TRPC3: variants seen among roughly 807,000 people sequenced by gnomAD.
TRPC3 encodes the protein short transient receptor potential channel 3.
TRPC3 carries 54 observed loss-of-function variants against 90.9 expected under a neutral mutation model. The ratio of observed to expected loss-of-function variants is 0.59; its 90% CI spans 0.48 to 0.75. The LOEUF is 0.75. TRPC3 is among the 30% of genes least tolerant of loss of function. The pLI, the probability that TRPC3 is intolerant of heterozygous loss-of-function variation, is 0.00. For synonymous variants in TRPC3, 424 were observed against 450.9 expected, an observed-to-expected ratio of 0.94 and a Z score of 0.75; for missense variants, 918 against 1,194.5, an observed-to-expected ratio of 0.77 and a Z score of 3.41.
chr4:121,943,182 A>G (rs1418845374), intron 1 of TRPC3, among the ~76,000 whole-genome samples: 2 of 110,234 alleles, frequency 1.8e-5, no homozygotes, highest in African/African-American at 6.0e-5. Flanking sequence ...GGAACAGATA[A>G]TTTTCCCCCC....
chr4:121,885,629 T>C (rs1245532750), intron 10 of TRPC3, among the ~76,000 whole-genome samples: 1 of 152,204 alleles, frequency 6.6e-6, no homozygotes, highest in Non-Finnish European at 1.5e-5. Context: ...AAAGCAAATC[T>C]TGATAAATCC....
At chr4:121,911,320 C>G (rs1224635986) in intron 5 of TRPC3, among the ~76,000 whole-genome samples, 1 of 152,196 alleles carries the variant, frequency 6.6e-6, no homozygotes, top group Non-Finnish European at 1.5e-5. Context: ...CTTTTCCTCA[C>G]ATTACTTCAA....
intron 1 of TRPC3, among the ~76,000 whole-genome samples, chr4:121,947,757 T>C (rs1232196205): frequency 1.3e-5 from 2 of 152,190 alleles, no homozygotes; most frequent in Non-Finnish European, 1.5e-5. Flanking sequence ...ATTAAGACAA[T>C]TTTTTGGCAG....
chr4:121,949,438 C>G (rs1413977787), intron 1 of TRPC3, among the ~76,000 whole-genome samples: 1 of 152,128 alleles, frequency 6.6e-6, no homozygotes, highest in Non-Finnish European at 1.5e-5. Context: ...TTCAGCTATG[C>G]TGTTCCGTCT....
chr4:121,882,673 GAAGTT>G (rs1057308429), intron 10 of TRPC3, among the ~76,000 whole-genome samples: 14 of 151,984 alleles, frequency 9.2e-5, no homozygotes, highest in Non-Finnish European at 2.1e-4. Flanking sequence ...CTTTTAAAAA[GAAGTT>G]AAGCTTGAAG....
chr4:121,906,785 G>A (rs372344712), intron 7 of TRPC3, among the ~76,000 whole-genome samples: 1 of 152,064 alleles, frequency 6.6e-6, no homozygotes, highest in East Asian at 1.9e-4. Context: ...AAGGAAACTT[G>A]ATCAAGGAAG....
chr4:121,901,126 A>G (rs1293883033), intron 9 of TRPC3, among the ~76,000 whole-genome samples: 1 of 152,242 alleles, frequency 6.6e-6, no homozygotes, highest in Non-Finnish European at 1.5e-5. Flanking sequence ...GCCTACAGAA[A>G]GAAAACTCAA....
chr4:121,907,036 T>G (rs1245373990), intron 7 of TRPC3, among the ~76,000 whole-genome samples: 1 of 152,118 alleles, frequency 6.6e-6, no homozygotes, highest in Non-Finnish European at 1.5e-5. Context: ...CATCCAGTAT[T>G]AGAAATCTGT....
chr4:121,916,834 C>T (rs1729335020), intron 3 of TRPC3, among the ~76,000 whole-genome samples: 1 of 152,110 alleles, frequency 6.6e-6, no homozygotes, highest in Non-Finnish European at 1.5e-5. Flanking sequence ...CTACCTCAGC[C>T]TCCCAAGTAG....
At chr4:121,929,385 C>T (rs1007602821) in intron 2 of TRPC3, among the ~76,000 whole-genome samples, 2 of 152,038 alleles carry the variant, frequency 1.3e-5, no homozygotes, top group African/African-American at 2.4e-5. Flanking sequence ...AACGCCTCTC[C>T]CTACTTCTTT....
At chr4:121,927,150 C>T (rs112425357) in intron 2 of TRPC3, among the ~76,000 whole-genome samples, 64 of 152,182 alleles carry the variant, frequency 4.2e-4, no homozygotes, top group African/African-American at 1.5e-3. Context: ...GAATTCAGTA[C>T]CTGAGAGAAA....
chr4:121,914,831 G>A lies in TRPC3; in HGVS notation c.1290C>T (p.Ala430=). The change falls in exon 4 of 12, where the codon GCC becomes GCT. Residue 430 remains alanine (A), a synonymous_variant. Transcript: ENST00000379645. ...AIKCLVVLVV[A]LGLPFLAIGY... is the part of the protein sequence containing the mutation. Reference sequence around the variant, plus strand: ...CAATGGCCAGGAATGGAAGGCCCAGGGCCACGACCAGCACAACGAGACACT... The same window carrying A: ...CAATGGCCAGGAATGGAAGGCCCAGAGCCACGACCAGCACAACGAGACACT... 1 of 1,613,568 alleles carries A rather than the reference G, an allele frequency of 6.2e-7. No homozygotes were observed. The highest frequency in any genetic ancestry group is 1.1e-5 in the South Asian group (1 of 91,002).
chr4:121,900,892 A>G (rs1221341318), intron 9 of TRPC3, among the ~76,000 whole-genome samples: 1 of 152,170 alleles, frequency 6.6e-6, no homozygotes, highest in Non-Finnish European at 1.5e-5. Context: ...TATTTCCAGC[A>G]TCTTCTCTGA....
intron 3 of TRPC3, among the ~76,000 whole-genome samples, chr4:121,921,187 T>C (rs1158285267): frequency 2.0e-5 from 3 of 152,034 alleles, no homozygotes; most frequent in Non-Finnish European, 4.4e-5. Context: ...GACAATAGAC[T>C]CAGAACCAGA....
Position 121,904,411 on chromosome 4 carries a change from C to T in TRPC3, c.2164G>A (p.Val722Ile), listed in dbSNP as rs146271874. Residue 722 changes from valine (V) to isoleucine (I), a missense_variant, in exon 8 of 12, where the codon GTT becomes ATT. Val to Ile is a conservative substitution (Grantham distance 29). This residue lies in a region of TRPC3 where 147 missense variants were observed against 263.5 expected (regional missense o/e 0.56). Transcript: ENST00000379645. ...GTTACATTGTATATTCCATAAAGAA[C>T]GTATCCAATATTTTCTATGAATTTG... ...DHKFIENIGY[V>I]LYGIYNVTMV... 4.4e-4 allele frequency: 707 copies of T among 1,607,128 alleles called. 1 individual carries two copies. Among genetic ancestry groups the T allele is most frequent in the Non-Finnish European group, 5.5e-4 (649 of 1,177,986 alleles).
At chr4:121,936,667 T>C (rs542004297) in intron 1 of TRPC3, among the ~76,000 whole-genome samples, 2 of 152,292 alleles carry the variant, frequency 1.3e-5, no homozygotes, top group South Asian at 4.1e-4. Flanking sequence ...GGGGCTCTGA[T>C]GATGGGATTA....
intron 1 of TRPC3, among the ~76,000 whole-genome samples, chr4:121,939,853 G>T (rs987678654): frequency 3.3e-5 from 5 of 152,176 alleles, no homozygotes; most frequent in Admixed American, 3.3e-4. Context: ...ATAGAACAGT[G>T]CCCAGAGACC....
chr4:121,913,968 T>C (rs1175602515), intron 4 of TRPC3, among the ~76,000 whole-genome samples: 1 of 152,168 alleles, frequency 6.6e-6, no homozygotes, highest in Admixed American at 6.5e-5. Flanking sequence ...AAACTACCTC[T>C]GACTTAAACA....
chr4:121,883,506 G>A (rs1403437262), intron 10 of TRPC3, among the ~76,000 whole-genome samples: 1 of 152,092 alleles, frequency 6.6e-6, no homozygotes, highest in Non-Finnish European at 1.5e-5. Flanking sequence ...AAATGGAAAC[G>A]TGAAGGGTCA....
Sources: gnomAD v4.1 joint callset for allele counts (sites outside exome capture counted in the v4.1 genomes callset) on GRCh38, gnomAD v4.1.1 for gene constraint, gnomAD v4.1.1 regional missense constraint, MANE v1.5 for transcripts, NCBI Gene and HGNC (gene_info 2026-07-23, HGNC 2026-07-21) for gene names.